The following CASD1 variants were observed in gnomAD, a reference collection of about 807,000 sequenced individuals.
CASD1 encodes the protein N-acetylneuraminate (7)9-O-acetyltransferase.
CASD1 carries 41 observed loss-of-function variants against 100.0 expected under a neutral mutation model. The observed-to-expected ratio is 0.41, with a 90% CI of 0.32 to 0.53. The LOEUF is 0.53. Ranked by LOEUF, CASD1 falls within the 20% of genes least tolerant of loss-of-function variation. The pLI is 0.25. For synonymous variants in CASD1, 321 were observed against 315.6 expected, an observed-to-expected ratio of 1.02 and a Z score of -0.18; for missense variants, 774 against 948.7, an observed-to-expected ratio of 0.82 and a Z score of 2.42.
At chr7:94,633,090 G>A in the CASD1 span, among the ~76,000 whole-genome samples, 1 of 151,918 alleles carries the variant, frequency 6.6e-6, no homozygotes, top group African/African-American at 2.4e-5. Flanking sequence ...TGCTAATCAA[G>A]CCAAGGTAAC....
the CASD1 span, among the ~76,000 whole-genome samples, chr7:94,607,238 C>T: frequency 6.6e-6 from 1 of 152,050 alleles, no homozygotes; most frequent in Admixed American, 6.6e-5. Context: ...AGAAATTATG[C>T]CAACTCTCTA....
chr7:94,520,301 T>G (rs1426519237), intron 3 of CASD1, among the ~76,000 whole-genome samples: 1 of 152,238 alleles, frequency 6.6e-6, no homozygotes, highest in East Asian at 1.9e-4. Context: ...GCTTACTACT[T>G]TTATTTAAAG....
the CASD1 span, among the ~76,000 whole-genome samples, chr7:94,580,245 A>T: frequency 6.6e-6 from 1 of 152,084 alleles, no homozygotes; most frequent in Non-Finnish European, 1.5e-5. Flanking sequence ...CATCCTTCAG[A>T]CTTTATTTTT....
At chr7:94,517,527 T>C (rs1441151304) in intron 1 of CASD1, 33 bp from the exon 2 acceptor site, 2 of 1,358,240 alleles carry the variant, frequency 1.5e-6, no homozygotes, top group East Asian at 4.6e-5. Context: ...TTTTAACTAT[T>C]GTTTACAACA....
the CASD1 span, chr7:94,598,686 AAACAC>A: frequency 2.1e-6 from 2 of 961,942 alleles, no homozygotes; most frequent in Non-Finnish European, 3.4e-6. Context: ...ATAAACAAAC[AAACAC>A]AACAACAGAA....
At chr7:94,568,167 T>C in the CASD1 span, among the ~76,000 whole-genome samples, 6 of 152,148 alleles carry the variant, frequency 3.9e-5, no homozygotes, top group Non-Finnish European at 8.8e-5. Flanking sequence ...ATTAAAACTG[T>C]GTGGAGCTAA....
the CASD1 span, chr7:94,618,801 T>A: frequency 6.2e-7 from 1 of 1,614,062 alleles, no homozygotes; most frequent in Non-Finnish European, 8.5e-7. Context: ...CTGCCACCCC[T>A]GTCTAGGGCC....
intron 3 of CASD1, among the ~76,000 whole-genome samples, chr7:94,520,397 T>G (rs910329680): frequency 1.3e-5 from 2 of 152,204 alleles, no homozygotes; most frequent in South Asian, 4.1e-4. Context: ...TTGAGTCAAA[T>G]TTTTTTAAAA....
intron 16 of CASD1, 54 bp downstream of exon 16, chr7:94,552,481 G>A: frequency 7.4e-7 from 1 of 1,343,964 alleles, no homozygotes; most frequent in Admixed American, 2.2e-5. Flanking sequence ...TAAGAAAATG[G>A]TTTTTAGAGG....
chr7:94,621,177 A>G, the CASD1 span: 1 of 152,234 alleles, frequency 6.6e-6, no homozygotes, highest in Non-Finnish European at 1.5e-5. Context: ...TGGGATAAAT[A>G]ACATGAGTGT....
the CASD1 span, among the ~76,000 whole-genome samples, chr7:94,613,919 C>A: frequency 3.7e-3 from 569 of 151,862 alleles, 8 homozygotes; most frequent in African/African-American, 0.013. Flanking sequence ...ATTAATCAAT[C>A]AAAAAGTAAG....
At chr7:94,601,773 T>C in the CASD1 span, among the ~76,000 whole-genome samples, 1 of 152,142 alleles carries the variant, frequency 6.6e-6, no homozygotes, top group Admixed American at 6.6e-5. Context: ...GAACTAAATA[T>C]GAATTTCATT....
At chr7:94,586,975 A>G in the CASD1 span, 1 of 984,310 alleles carries the variant, frequency 1.0e-6, no homozygotes, top group Middle Eastern at 5.2e-4. Flanking sequence ...AGTCTATAAT[A>G]TGATCCAAAT....
At chr7:94,510,253 G>A in intron 1 of CASD1, 36 bp downstream of exon 1, 1 of 1,374,826 alleles carries the variant, frequency 7.3e-7, no homozygotes, top group Non-Finnish European at 9.5e-7. Context: ...GGCAGGCCGT[G>A]GGGGAGGCGG....
intron 1 of CASD1, 40 bp downstream of exon 1, chr7:94,510,257 G>A: frequency 1.5e-6 from 2 of 1,366,804 alleles, no homozygotes; most frequent in Non-Finnish European, 1.9e-6. Flanking sequence ...GGCCGTGGGG[G>A]AGGCGGCGAC....
At position 94,537,604 on chromosome 7, in the gene CASD1, G is replaced by A. The variant is rs1297934027; in HGVS notation, c.976G>A (p.Gly326Arg). 14 of 1,613,574 alleles carry A rather than the reference G, an allele frequency of 8.7e-6. No individual in the cohort carries two copies. The highest frequency in any genetic ancestry group is 1.7e-5 in the Admixed American group (1 of 59,948). ...AACFFTLSII[G>R]YLIFYIIHRN... The stretch of plus-strand genomic sequence containing the variant: ...TTGTTTTTTCACTTTATCTATTATC[G>A]GATATTTAATTTTTTACATAATTCA... Residue 326 changes from glycine (G) to arginine (R), a missense_variant, in exon 9 of 18, where the codon GGA becomes AGA. By Grantham distance (125) the Gly-to-Arg change is moderately radical. This residue lies in a region of CASD1 where 453 missense variants were observed against 532.6 expected (regional missense o/e 0.85). Transcript: ENST00000297273.
the CASD1 span, chr7:94,628,426 A>G: frequency 2.2e-6 from 3 of 1,350,884 alleles, no homozygotes; most frequent in Non-Finnish European, 3.1e-6. Flanking sequence ...TGGTAGTTTC[A>G]ATCAAAACAT....
At chr7:94,544,602 AAAATAT>A (rs1305160491) in intron 11 of CASD1, 72 bp downstream of exon 11, 20 of 1,487,790 alleles carry the variant, frequency 1.3e-5, no homozygotes, top group East Asian at 4.6e-5. Flanking sequence ...ACTTGAGAAA[AAAATAT>A]AAATATAGTC....
downstream of CASD1, among the ~76,000 whole-genome samples, chr7:94,559,298 GTGTGTGTA>G (rs1288557449): frequency 1.0e-4 from 14 of 137,130 alleles, no homozygotes; most frequent in Admixed American, 3.1e-4. Context: ...GTGTGTGTGT[GTGTGTGTA>G]TGTGTGTGTG....
Sources: allele counts gnomAD v4.1 joint callset (sites outside exome capture counted in the v4.1 genomes callset), GRCh38; gene constraint gnomAD v4.1.1; regional missense constraint gnomAD v4.1.1; transcripts MANE v1.5; gene names NCBI Gene and HGNC (gene_info 2026-07-23, HGNC 2026-07-21).